The following ECT2L variants were observed in gnomAD, a reference collection of about 807,000 sequenced individuals.
ECT2L encodes epithelial cell-transforming sequence 2 oncogene-like.
Under a neutral mutation model 122.8 loss-of-function variants are expected in ECT2L, and 126 were observed. That is an observed-to-expected ratio of 1.03 (90% CI 0.89 to 1.19). The LOEUF (loss-of-function observed/expected upper bound fraction) is 1.19, where lower values mean the gene tolerates loss of function less well. ECT2L is among the 50% of genes most tolerant of loss of function. The pLI is 0.00. For synonymous variants in ECT2L, 385 were observed against 381.8 expected (o/e 1.01, Z -0.10); for missense variants, 1,012 against 1,064.1 (o/e 0.95, Z 0.68).
chr6:138,891,640 C>T (rs1779030744), intron 20 of ECT2L, among the ~76,000 whole-genome samples: 1 of 152,172 alleles, frequency 6.6e-6, no homozygotes, highest in Non-Finnish European at 1.5e-5. Context: ...CTTTCTGGAT[C>T]AAATGAATGT....
At chr6:138,887,463 T>A (rs1309526082) in intron 19 of ECT2L, among the ~76,000 whole-genome samples, 1 of 152,062 alleles carries the variant, frequency 6.6e-6, no homozygotes, top group Non-Finnish European at 1.5e-5. Flanking sequence ...CCTGACCTTG[T>A]GATCTGCCCG....
At chr6:138,884,955 T>C (rs1018099211) in intron 16 of ECT2L, among the ~76,000 whole-genome samples, 47 of 152,068 alleles carry the variant, frequency 3.1e-4, no homozygotes, top group African/African-American at 1.1e-3. Flanking sequence ...GCAAAGTACA[T>C]TCTTATTTGT....
chr6:138,879,482 T>C (rs1446386914), intron 14 of ECT2L: 1 of 152,216 alleles, frequency 6.6e-6, no homozygotes. Context: ...TTAGATATTA[T>C]AAATTTTCTG....
At chr6:138,818,683 A>G (rs977339252) in intron 4 of ECT2L, among the ~76,000 whole-genome samples, 1 of 152,160 alleles carries the variant, frequency 6.6e-6, no homozygotes, top group Non-Finnish European at 1.5e-5. Context: ...TCAACTTCAA[A>G]TGCAGCATGG....
At position 138,865,120 on chromosome 6, in the gene ECT2L, GA is replaced by G; in HGVS notation, c.1418del (p.Lys473SerfsTer18). ...TAGAAGAAACCTTGAAAACAGTAAG[GA>G]AGCAGCTGTATCCTTTCTTCAAGGA... is the stretch of plus-strand genomic sequence containing the variant. ...FLEETLKTVRKQLYPFFKELQ... is the reference protein window; with the variant it reads ...FLEETLKTVRXQLYPFFKELQ... On this transcript the variant is annotated frameshift_variant, in exon 12 of 22. Coordinates refer to ENST00000541398, the MANE Select transcript of ECT2L (RefSeq NM_001077706.3). LOFTEE classifies it high-confidence loss of function. 6.2e-7 allele frequency: 1 copy of G among 1,614,022 alleles called. No homozygotes were observed. Among genetic ancestry groups the G allele is most frequent in the Non-Finnish European group, 8.5e-7 (1 of 1,179,958 alleles).
At chr6:138,829,115 A>G (rs1394584026) in intron 4 of ECT2L, among the ~76,000 whole-genome samples, 2 of 151,150 alleles carry the variant, frequency 1.3e-5, no homozygotes, top group African/African-American at 4.9e-5. Context: ...ACCTTGGCCT[A>G]CCAAAGTACT....
chr6:138,809,309 C>T (rs566324396), intron 1 of ECT2L, among the ~76,000 whole-genome samples: 103 of 152,202 alleles, frequency 6.8e-4, no homozygotes, highest in Non-Finnish European at 1.3e-3. Flanking sequence ...TACCTGTAAT[C>T]CCAGCACTTT....
At chr6:138,865,205 A>G in intron 12 of ECT2L, 27 bp downstream of exon 12, 1 of 1,564,636 alleles carries the variant, frequency 6.4e-7, no homozygotes, top group South Asian at 1.2e-5. Context: ...CTTCTGTTGC[A>G]GGTTAATTAT....
chr6:138,896,497 A>G (rs1037558798), intron 20 of ECT2L, among the ~76,000 whole-genome samples: 4 of 152,166 alleles, frequency 2.6e-5, no homozygotes, highest in Non-Finnish European at 5.9e-5. Context: ...CAGGCTTCTC[A>G]AGGATACTAG....
intron 10 of ECT2L, among the ~76,000 whole-genome samples, chr6:138,856,404 G>A (rs1196451098): frequency 6.6e-6 from 1 of 151,942 alleles, no homozygotes; most frequent in African/African-American, 2.4e-5. Flanking sequence ...TAGTGGAGAC[G>A]GGGTTTCACC....
At chr6:138,877,507 T>C (rs892251411) in intron 14 of ECT2L, among the ~76,000 whole-genome samples, 4 of 152,150 alleles carry the variant, frequency 2.6e-5, no homozygotes, top group Non-Finnish European at 4.4e-5. Context: ...TGTAAAAATA[T>C]ATACATACAG....
chr6:138,812,386 A>C (rs1328206938), intron 1 of ECT2L, among the ~76,000 whole-genome samples: 2 of 152,274 alleles, frequency 1.3e-5, no homozygotes, highest in Non-Finnish European at 2.9e-5. Flanking sequence ...AAGCTGAAAA[A>C]TGCTGGAGTA....
At chr6:138,838,620 T>A (rs890789461) in intron 5 of ECT2L, 106 bp downstream of exon 5, 31 of 1,126,652 alleles carry the variant, frequency 2.8e-5, no homozygotes, top group Admixed American at 1.9e-4. Flanking sequence ...TGAGGGTACC[T>A]GATCCATCAT....
At chr6:138,797,902 A>C (rs987535409) in intron 1 of ECT2L, among the ~76,000 whole-genome samples, 2 of 152,216 alleles carry the variant, frequency 1.3e-5, no homozygotes, top group African/African-American at 4.8e-5. Flanking sequence ...GGTTGTGACT[A>C]TATGTTGTTT....
chr6:138,813,458 T>C (rs547923625), intron 3 of ECT2L, 118 bp downstream of exon 3: 1 of 777,936 alleles, frequency 1.3e-6, no homozygotes, highest in African/African-American at 1.8e-5. Context: ...ATTTAGCTTT[T>C]CAGTTTAAAC....
intron 5 of ECT2L, among the ~76,000 whole-genome samples, chr6:138,842,032 T>C (rs1421124082): frequency 6.6e-6 from 1 of 152,204 alleles, no homozygotes; most frequent in Non-Finnish European, 1.5e-5. Flanking sequence ...ATTGGATAAG[T>C]GTCACAAAGA....
chr6:138,900,400 C>T (rs1451707756), intron 20 of ECT2L, among the ~76,000 whole-genome samples: 2 of 152,066 alleles, frequency 1.3e-5, no homozygotes, highest in African/African-American at 4.8e-5. Context: ...GCATGTGCCA[C>T]CATGCATGGC....
intron 5 of ECT2L, among the ~76,000 whole-genome samples, chr6:138,839,364 CTTT>C (rs11325945): frequency 6.8e-6 from 1 of 147,604 alleles, no homozygotes; most frequent in Non-Finnish European, 1.5e-5. Context: ...TAAACACATA[CTTT>C]TTTTTTTTTT....
At chr6:138,884,510 C>T (rs1437594925) in intron 16 of ECT2L, among the ~76,000 whole-genome samples, 1 of 151,864 alleles carries the variant, frequency 6.6e-6, no homozygotes, top group Non-Finnish European at 1.5e-5. Context: ...TGGTGGCGGG[C>T]ACCTGTAATC....
Sources: allele counts gnomAD v4.1 joint callset (sites outside exome capture counted in the v4.1 genomes callset), GRCh38; gene constraint gnomAD v4.1.1; transcripts MANE v1.5; gene names NCBI Gene and HGNC (gene_info 2026-07-23, HGNC 2026-07-21).